Variants in L3MBTL4 observed in about 807,000 individuals in gnomAD.
The protein encoded by L3MBTL4 is L3MBTL histone methyl-lysine binding protein 4, also known as lethal(3)malignant brain tumor-like protein 4.
Under a neutral mutation model 84.5 loss-of-function variants are expected in L3MBTL4, and 70 were observed. The ratio of observed to expected loss-of-function variants is 0.83; its 90% CI spans 0.68 to 1.01. L3MBTL4 has a LOEUF of 1.01. Ranked by LOEUF, L3MBTL4 falls within the 50% of genes least tolerant of loss-of-function variation. L3MBTL4 has a pLI of 0.00. For missense variants in L3MBTL4, 715 were observed against 754.8 expected, an observed-to-expected ratio of 0.95 and a Z score of 0.62; for synonymous variants, 274 against 259.8, an observed-to-expected ratio of 1.05 and a Z score of -0.52.
intron 16 of L3MBTL4, among the ~76,000 whole-genome samples, chr18:5,971,928 G>T (rs1432613498): frequency 3.3e-5 from 5 of 152,332 alleles, no homozygotes; most frequent in Non-Finnish European, 7.3e-5. Flanking sequence ...TTGAACTCAG[G>T]TTAGCTTTAT....
chr18:6,136,071 C>A (rs963963952), intron 14 of L3MBTL4, among the ~76,000 whole-genome samples: 1 of 152,170 alleles, frequency 6.6e-6, no homozygotes, highest in Non-Finnish European at 1.5e-5. Flanking sequence ...AAAGTGGAAA[C>A]CCCTGATAAA....
At chr18:6,341,967 AAGAG>A (rs2052629082) in intron 1 of L3MBTL4, among the ~76,000 whole-genome samples, 1 of 152,190 alleles carries the variant, frequency 6.6e-6, no homozygotes, top group Admixed American at 6.5e-5. Flanking sequence ...CTTGCAGTTC[AAGAG>A]AGAGTGGGAT....
chr18:6,235,157 G>A (rs1270335042), intron 10 of L3MBTL4, among the ~76,000 whole-genome samples: 6 of 152,164 alleles, frequency 3.9e-5, no homozygotes, highest in Non-Finnish European at 5.9e-5. Context: ...ATCACACACC[G>A]GGGCCTGTTG....
intron 3 of L3MBTL4, among the ~76,000 whole-genome samples, chr18:6,309,963 G>A (rs1318235343): frequency 6.6e-6 from 1 of 152,172 alleles, no homozygotes; most frequent in African/African-American, 2.4e-5. Context: ...AAACATGAGT[G>A]GGCTTCAGAA....
At chr18:6,304,878 T>C (rs1477430679) in intron 3 of L3MBTL4, among the ~76,000 whole-genome samples, 1 of 152,268 alleles carries the variant, frequency 6.6e-6, no homozygotes, top group East Asian at 1.9e-4. Flanking sequence ...AGCATTTTTA[T>C]AATCACTGTG....
intron 12 of L3MBTL4, among the ~76,000 whole-genome samples, chr18:6,201,161 T>A (rs75456437): frequency 0.013 from 1,973 of 152,286 alleles, 39 homozygotes; most frequent in African/African-American, 0.046. Context: ...AACAAATATA[T>A]AATCTAATGT....
At position 6,316,339 on chromosome 18, in the gene L3MBTL4, G is replaced by A. The variant is rs545797865; in HGVS notation, c.-90-4283C>T. ...TCAGGGACACCAACTCCTAGGGGAAGGGGAAGTGCACCACATCAAGGGAAC... is the reference window on the plus strand; with the variant it reads ...TCAGGGACACCAACTCCTAGGGGAAAGGGAAGTGCACCACATCAAGGGAAC... On this transcript the variant is annotated intron_variant, in intron 1 of 18. Transcript: ENST00000317931. 2.6e-5 allele frequency among the ~76,000 whole-genome samples: 4 copies of A among 152,320 alleles called. No individual in the cohort carries two copies. The South Asian group carries it at 8.3e-4, about 32-fold the overall frequency.
intron 16 of L3MBTL4, among the ~76,000 whole-genome samples, chr18:5,985,439 TCAGGCAGTGCTTACTACATGC>T (rs1165225483): frequency 6.6e-6 from 1 of 152,060 alleles, no homozygotes; most frequent in Non-Finnish European, 1.5e-5. Flanking sequence ...GGCCCAACAC[TCAGGCAGTGCTTACTACATGC>T]CAGGCACTGT....
chr18:6,413,137 C>A (rs1318027686), intron 1 of L3MBTL4, among the ~76,000 whole-genome samples: 1 of 152,152 alleles, frequency 6.6e-6, no homozygotes, highest in Non-Finnish European at 1.5e-5. Flanking sequence ...AGTTCCTTCA[C>A]TTTCATTACC....
chr18:6,034,630 C>T (rs568043929), intron 16 of L3MBTL4, among the ~76,000 whole-genome samples: 1 of 152,246 alleles, frequency 6.6e-6, no homozygotes, highest in South Asian at 2.1e-4. Flanking sequence ...GTCTTTATAG[C>T]AGCATGATTT....
intron 16 of L3MBTL4, among the ~76,000 whole-genome samples, chr18:6,033,946 C>T (rs567050223): frequency 2.0e-5 from 3 of 152,280 alleles, no homozygotes; most frequent in East Asian, 3.9e-4. Context: ...CATTGTTATA[C>T]TAAGACTACC....
chr18:6,238,097 T>C, intron 9 of L3MBTL4, 57 bp from the exon 10 acceptor site: 1 of 1,437,304 alleles, frequency 7.0e-7, no homozygotes, highest in South Asian at 1.1e-5. Context: ...GAGAAAGAAT[T>C]CAAGAGTAAC....
intron 2 of L3MBTL4, 62 bp from the exon 3 acceptor site, chr18:6,311,718 A>T (rs934222192): frequency 2.2e-6 from 2 of 911,630 alleles, no homozygotes; most frequent in African/African-American, 3.3e-5. Context: ...GAATTACAGA[A>T]GCAAACAAGA....
chr18:6,327,889 C>T (rs1442502117), intron 1 of L3MBTL4, among the ~76,000 whole-genome samples: 1 of 152,016 alleles, frequency 6.6e-6, no homozygotes, highest in East Asian at 1.9e-4. Flanking sequence ...TCTCATTTGC[C>T]CCTGAATATC....
At chr18:6,262,806 G>A (rs900742045) in intron 5 of L3MBTL4, among the ~76,000 whole-genome samples, 1 of 151,930 alleles carries the variant, frequency 6.6e-6, no homozygotes, top group Admixed American at 6.5e-5. Context: ...TGAACACGAG[G>A]GGTCTGCATT....
chr18:6,086,048 A>C (rs558372681), intron 15 of L3MBTL4, among the ~76,000 whole-genome samples: 26 of 152,284 alleles, frequency 1.7e-4, no homozygotes, highest in Non-Finnish European at 3.2e-4. Flanking sequence ...TAATGTTTTT[A>C]GTTTTTATTT....
At chr18:6,145,315 G>A (rs2042601266) in intron 13 of L3MBTL4, among the ~76,000 whole-genome samples, 1 of 152,126 alleles carries the variant, frequency 6.6e-6, no homozygotes, top group Non-Finnish European at 1.5e-5. Context: ...ATGGGTTACA[G>A]ACTGAGAACA....
chr18:6,244,973 G>T (rs1030814527), intron 5 of L3MBTL4, among the ~76,000 whole-genome samples: 1 of 152,068 alleles, frequency 6.6e-6, no homozygotes, highest in African/African-American at 2.4e-5. Flanking sequence ...GTATTGGCAC[G>T]ATCTTGGCTC....
rs1202920437 is a variant in L3MBTL4, at chr18:6,168,099, A to C, written c.1096+3729T>G. Among the ~76,000 whole-genome samples the C allele has an allele frequency of 4.3e-4, 66 of 151,956 alleles. 2 individuals are homozygous for C. The highest frequency in any genetic ancestry group is 1.5e-3 in the African/African-American group (62 of 41,428). On this transcript the variant is annotated intron_variant, in intron 13 of 18. Transcript: ENST00000317931. ...CAATTGCTTCAAAGAGAATAAAATAAATAGGAATCCAACTTACAAGGGATG... is the reference window on the plus strand; with the variant it reads ...CAATTGCTTCAAAGAGAATAAAATACATAGGAATCCAACTTACAAGGGATG...
Sources: allele counts gnomAD v4.1 joint callset (sites outside exome capture counted in the v4.1 genomes callset), GRCh38; gene constraint gnomAD v4.1.1; transcripts MANE v1.5; gene names NCBI Gene and HGNC (gene_info 2026-07-23, HGNC 2026-07-21).